Variants in PCDH17 observed in about 807,000 individuals in gnomAD.
PCDH17 encodes protocadherin-17.
A neutral mutation model predicts 67.7 loss-of-function variants in PCDH17; 21 were observed. The observed-to-expected ratio is 0.31, with a 90% CI of 0.22 to 0.45. The LOEUF is 0.45. Among genes scored for constraint, PCDH17 ranks in the 20% least tolerant of loss-of-function variants. PCDH17 has a pLI of 1.00. For missense variants in PCDH17, 1,471 were observed against 1,564.8 expected (o/e 0.94, Z 1.01); for synonymous variants, 701 against 656.7 (o/e 1.07, Z -1.03).
chr13:57,641,572 AAAAAAAAAAAAAAAAATATATATAT>A (rs1394906675), intron 1 of PCDH17, among the ~76,000 whole-genome samples: 6 of 44,334 alleles, frequency 1.4e-4, no homozygotes, highest in East Asian at 1.5e-3. Context: ...AAAAAAAAAA[AAAAAAAAAAAAAAAAATATATATAT>A]ATATATATAT....
chr13:57,669,163 T>C (rs1955291600), intron 3 of PCDH17, among the ~76,000 whole-genome samples: 1 of 152,064 alleles, frequency 6.6e-6, no homozygotes, highest in African/African-American at 2.4e-5. Context: ...CTACATTTTT[T>C]AAAGTTAGTT....
intron 3 of PCDH17, among the ~76,000 whole-genome samples, chr13:57,708,257 G>T (rs1310244288): frequency 1.3e-5 from 2 of 151,818 alleles, no homozygotes; most frequent in African/African-American, 4.8e-5. Context: ...CTTATTGTTG[G>T]TACCATTAAA....
intron 1 of PCDH17, among the ~76,000 whole-genome samples, chr13:57,643,180 T>G (rs78570718): frequency 0.049 from 7,489 of 151,656 alleles, 276 homozygotes; most frequent in Middle Eastern, 0.11. Context: ...ATGAAAAGAA[T>G]TACCTAACCA....
intron 1 of PCDH17, among the ~76,000 whole-genome samples, chr13:57,649,362 G>GT (rs1955008182): frequency 6.6e-6 from 1 of 152,058 alleles, no homozygotes; most frequent in South Asian, 2.1e-4. Context: ...TTTTTAATTT[G>GT]TTTTTTATTG....
chr13:57,694,919 G>C (rs142254142), intron 3 of PCDH17, among the ~76,000 whole-genome samples: 1,621 of 151,202 alleles, frequency 0.011, 18 homozygotes, highest in Middle Eastern at 0.044. Context: ...AGCTGGGTCA[G>C]GATGTTTCTG....
chr13:57,651,007 A>G (rs2807632), intron 1 of PCDH17, among the ~76,000 whole-genome samples: 18,362 of 152,154 alleles, frequency 0.12, 3,734 homozygotes, highest in African/African-American at 0.42. Context: ...ACTGGAATGG[A>G]CAATACATGA....
At chr13:57,652,281 T>C (rs1478531078) in intron 1 of PCDH17, among the ~76,000 whole-genome samples, 9 of 64,306 alleles carry the variant, frequency 1.4e-4, no homozygotes, top group Non-Finnish European at 3.1e-5. Context: ...CGAGACTCCG[T>C]CTCAAAAAAA....
intron 3 of PCDH17, among the ~76,000 whole-genome samples, chr13:57,723,210 G>T (rs1217285380): frequency 6.6e-6 from 1 of 152,026 alleles, no homozygotes; most frequent in African/African-American, 2.4e-5. Context: ...GGTTTCACAG[G>T]TGTGAATAAA....
At chr13:57,695,286 A>G (rs1955596137) in intron 3 of PCDH17, among the ~76,000 whole-genome samples, 1 of 151,262 alleles carries the variant, frequency 6.6e-6, no homozygotes, top group Non-Finnish European at 1.5e-5. Context: ...AAAAAAGGAG[A>G]TGATCATATT....
intron 3 of PCDH17, among the ~76,000 whole-genome samples, chr13:57,715,120 CTT>C (rs1242648346): frequency 6.6e-6 from 1 of 151,664 alleles, no homozygotes; most frequent in Admixed American, 6.6e-5. Context: ...AAATAGATAA[CTT>C]TATATTTTCT....
chr13:57,660,615 A>G (rs1404479074), intron 1 of PCDH17, among the ~76,000 whole-genome samples: 1 of 152,168 alleles, frequency 6.6e-6, no homozygotes, highest in Non-Finnish European at 1.5e-5. Flanking sequence ...GTGTAGTTTC[A>G]TGAAACAAGC....
chr13:57,698,770 C>T (rs781237528), intron 3 of PCDH17, among the ~76,000 whole-genome samples: 16 of 151,874 alleles, frequency 1.1e-4, no homozygotes, highest in South Asian at 2.1e-4. Context: ...CTGTTAATGC[C>T]GGCCTTTCAG....
At chr13:57,722,625 A>T (rs898596254) in intron 3 of PCDH17, among the ~76,000 whole-genome samples, 26 of 151,998 alleles carry the variant, frequency 1.7e-4, no homozygotes, top group Non-Finnish European at 1.0e-4. Context: ...TTATTTACTT[A>T]TTTATTTTGA....
intron 1 of PCDH17, among the ~76,000 whole-genome samples, chr13:57,645,875 C>A (rs926101075): frequency 1.3e-5 from 2 of 151,134 alleles, no homozygotes; most frequent in African/African-American, 4.8e-5. Flanking sequence ...GATTACCCAA[C>A]CTCAGTCAGT....
At chr13:57,694,331 A>G (rs1955586809) in intron 3 of PCDH17, among the ~76,000 whole-genome samples, 1 of 151,302 alleles carries the variant, frequency 6.6e-6, no homozygotes, top group Non-Finnish European at 1.5e-5. Context: ...TATGTCAGCA[A>G]TACCTTGCAT....
intron 3 of PCDH17, among the ~76,000 whole-genome samples, chr13:57,691,016 G>T (rs970527740): frequency 1.7e-4 from 25 of 151,342 alleles, no homozygotes; most frequent in African/African-American, 6.0e-4. Context: ...AAAAATTACA[G>T]CCTCAGAATA....
intron 3 of PCDH17, among the ~76,000 whole-genome samples, chr13:57,716,801 A>G (rs369471943): frequency 5.9e-5 from 9 of 152,044 alleles, no homozygotes; most frequent in East Asian, 1.9e-4. Context: ...CCTGTATGCA[A>G]CAAAACACTC....
intron 1 of PCDH17, among the ~76,000 whole-genome samples, chr13:57,664,237 C>T (rs1955221805): frequency 6.6e-6 from 1 of 152,034 alleles, no homozygotes; most frequent in South Asian, 2.1e-4. Context: ...TTGTTCTCTC[C>T]CAAACACCGT....
intron 3 of PCDH17, among the ~76,000 whole-genome samples, chr13:57,677,995 G>A (rs1955411456): frequency 6.6e-6 from 1 of 151,694 alleles, no homozygotes; most frequent in African/African-American, 2.4e-5. Flanking sequence ...TGTACAGCAT[G>A]GTGACTATGG....
Sources: allele counts gnomAD v4.1 joint callset (sites outside exome capture counted in the v4.1 genomes callset), GRCh38; gene constraint gnomAD v4.1.1; transcripts MANE v1.5; gene names NCBI Gene and HGNC (gene_info 2026-07-23, HGNC 2026-07-21).